PARG: variants seen among roughly 807,000 people sequenced by gnomAD.
PARG encodes the protein poly(ADP-ribose) glycohydrolase.
A neutral mutation model predicts 113.0 loss-of-function variants in PARG; 35 were observed. The observed-to-expected ratio is 0.31, with a 90% CI of 0.24 to 0.41. The LOEUF is 0.41. PARG is among the 10% of genes least tolerant of loss of function. The probability of loss-of-function intolerance (pLI) is 1.00; values close to 1 mark genes in which losing one functional copy is unlikely to be tolerated. For missense variants in PARG, 797 were observed against 1,169.4 expected (o/e 0.68, Z 4.64); for synonymous variants, 330 against 409.9 (o/e 0.81, Z 2.36).
intron 13 of PARG, among the ~76,000 whole-genome samples, chr10:49,846,228 G>C (rs1409916880): frequency 1.3e-5 from 2 of 151,190 alleles, no homozygotes; most frequent in African/African-American, 4.9e-5. Context: ...GCAAGATACA[G>C]AAGTGTGTAT....
At chr10:49,877,087 A>C (rs1846978917) in intron 9 of PARG, among the ~76,000 whole-genome samples, 1 of 150,348 alleles carries the variant, frequency 6.7e-6, no homozygotes, top group South Asian at 2.1e-4. Flanking sequence ...TCAATATTTT[A>C]ATGTTTGAAG....
At chr10:49,831,782 TG>T (rs1844679353) in intron 16 of PARG, among the ~76,000 whole-genome samples, 2 of 152,042 alleles carry the variant, frequency 1.3e-5, no homozygotes, top group African/African-American at 4.8e-5. Flanking sequence ...AAAACTGCAG[TG>T]GTAAGGACAG....
At chr10:49,828,975 T>C (rs1337353297) in intron 16 of PARG, among the ~76,000 whole-genome samples, 1 of 152,198 alleles carries the variant, frequency 6.6e-6, no homozygotes, top group Non-Finnish European at 1.5e-5. Context: ...CGGTGGCTCA[T>C]GCCTGTAATC....
At chr10:49,904,466 G>A (rs558554667) in intron 7 of PARG, among the ~76,000 whole-genome samples, 1 of 151,880 alleles carries the variant, frequency 6.6e-6, no homozygotes, top group Non-Finnish European at 1.5e-5. Flanking sequence ...ACAGAACTTT[G>A]AGTGGTAATG....
intron 7 of PARG, among the ~76,000 whole-genome samples, chr10:49,887,584 C>T (rs529779598): frequency 1.9e-4 from 29 of 152,110 alleles, no homozygotes; most frequent in Non-Finnish European, 3.5e-4. Context: ...TGGCTTAATG[C>T]CCTTAAAAGG....
chr10:49,917,129 A>G (rs1554847870), intron 6 of PARG, among the ~76,000 whole-genome samples: 1 of 152,242 alleles, frequency 6.6e-6, no homozygotes, highest in East Asian at 1.9e-4. Flanking sequence ...AAAATAAGAT[A>G]GCCAGAAAGA....
At chr10:49,840,504 G>A (rs1252418595) in intron 15 of PARG, among the ~76,000 whole-genome samples, 3 of 151,502 alleles carry the variant, frequency 2.0e-5, no homozygotes, top group South Asian at 2.1e-4. Flanking sequence ...ACCAAAGGCC[G>A]GTCTTTCTGG....
chr10:49,856,852 A>C (rs1846016105), intron 13 of PARG, among the ~76,000 whole-genome samples: 1 of 151,720 alleles, frequency 6.6e-6, no homozygotes, highest in Non-Finnish European at 1.5e-5. Context: ...TCTACTAAAA[A>C]TACAAAATTA....
At chr10:49,856,738 G>A (rs1168996028) in intron 13 of PARG, among the ~76,000 whole-genome samples, 1 of 152,056 alleles carries the variant, frequency 6.6e-6, no homozygotes, top group African/African-American at 2.4e-5. Flanking sequence ...TGCCAAGCGT[G>A]GTGGCTCACG....
At chr10:49,920,762 G>T (rs1219690982) in intron 6 of PARG, among the ~76,000 whole-genome samples, 1 of 151,768 alleles carries the variant, frequency 6.6e-6, no homozygotes, top group Non-Finnish European at 1.5e-5. Flanking sequence ...TAAAGGGTTT[G>T]CTTTTTGTAG....
intron 7 of PARG, among the ~76,000 whole-genome samples, chr10:49,896,022 C>G (rs1392854473): frequency 6.6e-6 from 1 of 152,102 alleles, no homozygotes; most frequent in African/African-American, 2.4e-5. Flanking sequence ...TAAACAAACA[C>G]CGTCAACTAC....
intron 16 of PARG, among the ~76,000 whole-genome samples, chr10:49,830,221 A>G (rs1844590077): frequency 6.6e-6 from 1 of 152,258 alleles, no homozygotes; most frequent in Non-Finnish European, 1.5e-5. Flanking sequence ...ACAAATGACC[A>G]CGGCTTACAG....
intron 7 of PARG, among the ~76,000 whole-genome samples, chr10:49,891,936 G>T (rs1307769930): frequency 6.6e-6 from 1 of 151,400 alleles, no homozygotes; most frequent in Non-Finnish European, 1.5e-5. Flanking sequence ...GATGGGTGAT[G>T]GAAACAGGGA....
intron 7 of PARG, among the ~76,000 whole-genome samples, chr10:49,913,932 G>A (rs1837330863): frequency 6.6e-6 from 1 of 151,834 alleles, no homozygotes; most frequent in Non-Finnish European, 1.5e-5. Context: ...AATATTAGAA[G>A]GTCGAAAACG....
chr10:49,906,757 C>G (rs1393865772), intron 7 of PARG, among the ~76,000 whole-genome samples: 2 of 152,124 alleles, frequency 1.3e-5, no homozygotes, highest in African/African-American at 4.8e-5. Context: ...CAAAGATAAC[C>G]AAATAAGATG....
chr10:49,933,176 C>T lies in PARG; in HGVS notation c.1271+1G>A. On this transcript the variant is annotated splice_donor_variant, in intron 3 of 17. Transcript: ENST00000616448. LOFTEE classifies it high-confidence loss of function. Reference sequence around the variant, plus strand: ...GAGAGATACTGCTGAGAGAAAATTACCTTCTGTCCTCTGCTTTGGGCAGTC... The same window carrying T: ...GAGAGATACTGCTGAGAGAAAATTATCTTCTGTCCTCTGCTTTGGGCAGTC... 1 of 1,564,660 alleles carries T rather than the reference C, an allele frequency of 6.4e-7. No individual in the cohort carries two copies. The highest frequency in any genetic ancestry group is 8.7e-7 in the Non-Finnish European group (1 of 1,147,422).
chr10:49,839,609 C>A (rs782795569), intron 15 of PARG, among the ~76,000 whole-genome samples: 6 of 152,158 alleles, frequency 3.9e-5, no homozygotes, highest in Non-Finnish European at 7.4e-5. Flanking sequence ...TGAGGATGGG[C>A]AAACTGAAGG....
At chr10:49,876,565 C>G (rs1397547327) in intron 9 of PARG, among the ~76,000 whole-genome samples, 3 of 152,198 alleles carry the variant, frequency 2.0e-5, no homozygotes, top group African/African-American at 7.2e-5. Context: ...TACACACAGG[C>G]TAGCATAGGA....
rs186332725 is a variant in PARG, at chr10:49,881,926, C to T, written c.1831-2096G>A. On this transcript the variant is annotated intron_variant, in intron 8 of 17. Coordinates refer to ENST00000616448, the MANE Select transcript of PARG (RefSeq NM_003631.5). ...CGTGCATTTGTTCACAACCAAGCAA[C>T]GAGTTTAGAAAAGGTGACAGTGCAT... 5.3e-5 allele frequency among the ~76,000 whole-genome samples: 8 copies of T among 152,208 alleles called. No homozygotes were observed. In the South Asian group the frequency reaches 8.3e-4, roughly 16 times the overall value.
Sources: gnomAD v4.1 joint callset for allele counts (sites outside exome capture counted in the v4.1 genomes callset) on GRCh38, gnomAD v4.1.1 for gene constraint, MANE v1.5 for transcripts, NCBI Gene and HGNC (gene_info 2026-07-23, HGNC 2026-07-21) for gene names.